PPP2R5E: variants seen among roughly 807,000 people sequenced by gnomAD.
PPP2R5E encodes the protein serine/threonine-protein phosphatase 2A 56 kDa regulatory subunit epsilon isoform.
PPP2R5E carries 4 observed loss-of-function variants against 65.3 expected under a neutral mutation model. The ratio of observed to expected loss-of-function variants is 0.06; its 90% confidence interval spans 0.03 to 0.14. The LOEUF is 0.14. PPP2R5E is among the 10% of genes least tolerant of loss of function. PPP2R5E has a pLI of 1.00. For synonymous variants in PPP2R5E, 183 were observed against 187.4 expected, an observed-to-expected ratio of 0.98 and a Z score of 0.19; for missense variants, 274 against 556.1, an observed-to-expected ratio of 0.49 and a Z score of 5.10.
rs547541160 is a variant in PPP2R5E at position 63,493,516 on chromosome 14, G to A, written c.158-39631C>T. 7.3e-5 allele frequency among the ~76,000 whole-genome samples: 11 copies of A among 151,722 alleles called. No homozygotes were observed. The South Asian group carries it at 2.1e-3, about 29-fold the overall frequency. ...TGTGCGTGTGTGTGGTGGGGGGAGG[G>A]GGAGGGGAGCAAAAGAACCCCTAGG... is the stretch of plus-strand genomic sequence containing the variant. On this transcript the variant is annotated intron_variant, in intron 2 of 13. Coordinates refer to ENST00000337537, the MANE Select transcript of PPP2R5E (RefSeq NM_006246.5).
intron 2 of PPP2R5E, among the ~76,000 whole-genome samples, chr14:63,500,579 A>C (rs546289854): frequency 4.6e-5 from 7 of 152,358 alleles, no homozygotes; most frequent in Non-Finnish European, 8.8e-5. Context: ...AATTAGAAAT[A>C]TGACAGATCC....
intron 5 of PPP2R5E, among the ~76,000 whole-genome samples, chr14:63,402,912 T>C (rs1271340561): frequency 6.6e-6 from 1 of 151,792 alleles, no homozygotes; most frequent in Non-Finnish European, 1.5e-5. Flanking sequence ...TTCTGCACAA[T>C]AAATGAACAA....
chr14:63,523,158 C>T (rs1259784525), intron 2 of PPP2R5E, among the ~76,000 whole-genome samples: 2 of 150,672 alleles, frequency 1.3e-5, no homozygotes, highest in African/African-American at 4.9e-5. Flanking sequence ...GCCGCCCCTA[C>T]TGGGAGGTGA....
intron 6 of PPP2R5E, among the ~76,000 whole-genome samples, chr14:63,395,567 G>C (rs1885301138): frequency 3.0e-5 from 1 of 33,730 alleles, no homozygotes; most frequent in Non-Finnish European, 6.2e-5. Context: ...AGGGAAGAGA[G>C]GAGGAGAGGA....
At chr14:63,425,249 C>T (rs997001701) in intron 3 of PPP2R5E, among the ~76,000 whole-genome samples, 2 of 152,170 alleles carry the variant, frequency 1.3e-5, no homozygotes, top group African/African-American at 4.8e-5. Context: ...TTTGTCCCTT[C>T]CAGTGATTAC....
intron 3 of PPP2R5E, chr14:63,453,392 T>C (rs2139477696): frequency 4.8e-6 from 1 of 208,866 alleles, no homozygotes; most frequent in South Asian, 1.6e-4. Context: ...TTTGTTATTT[T>C]CCTGTGTCTT....
intron 3 of PPP2R5E, among the ~76,000 whole-genome samples, chr14:63,430,695 G>C (rs553439948): frequency 6.6e-6 from 1 of 152,130 alleles, no homozygotes; most frequent in African/African-American, 2.4e-5. Context: ...AATCAGAGCA[G>C]ACAAATATCT....
At chr14:63,440,782 AC>A (rs1221310023) in intron 3 of PPP2R5E, among the ~76,000 whole-genome samples, 1 of 135,472 alleles carries the variant, frequency 7.4e-6, no homozygotes, top group Admixed American at 7.0e-5. Context: ...ACTAAAAAAT[AC>A]AAAAAAAAAA....
intron 8 of PPP2R5E, among the ~76,000 whole-genome samples, chr14:63,393,376 C>T (rs1885134671): frequency 6.6e-6 from 1 of 152,074 alleles, no homozygotes; most frequent in Non-Finnish European, 1.5e-5. Flanking sequence ...TTATTTCCCT[C>T]GGGGAGTATT....
chr14:63,378,506 A>G (rs1884119543), intron 13 of PPP2R5E, among the ~76,000 whole-genome samples: 1 of 152,216 alleles, frequency 6.6e-6, no homozygotes. Flanking sequence ...TTTTGATCAA[A>G]TATGGCACTC....
chr14:63,386,681 G>C (rs1884688564), intron 11 of PPP2R5E, among the ~76,000 whole-genome samples: 1 of 152,138 alleles, frequency 6.6e-6, no homozygotes, highest in Non-Finnish European at 1.5e-5. Context: ...TCAGCACTTT[G>C]GGAGGCCAAG....
intron 3 of PPP2R5E, 36 bp from the exon 4 acceptor site, chr14:63,422,130 A>T (rs765973355): frequency 6.5e-7 from 1 of 1,536,082 alleles, no homozygotes; most frequent in African/African-American, 1.4e-5. Flanking sequence ...AACGGGAAGC[A>T]CCTTCTGCAC....
chr14:63,540,346 G>A (rs568613473), intron 1 of PPP2R5E, among the ~76,000 whole-genome samples: 4 of 149,150 alleles, frequency 2.7e-5, no homozygotes, highest in East Asian at 2.0e-4. Context: ...AGGGAGAACC[G>A]CTTGAACCTG....
At chr14:63,532,201 A>T (rs1407862294) in intron 2 of PPP2R5E, among the ~76,000 whole-genome samples, 5 of 152,178 alleles carry the variant, frequency 3.3e-5, no homozygotes, top group East Asian at 1.9e-4. Context: ...ACTATACAAG[A>T]GTATAATGAC....
intron 2 of PPP2R5E, among the ~76,000 whole-genome samples, chr14:63,535,312 C>T (rs1893623705): frequency 6.6e-6 from 1 of 151,990 alleles, no homozygotes; most frequent in Admixed American, 6.6e-5. Context: ...ATCCCAGCTA[C>T]TCAGGAGCCT....
At chr14:63,391,332 A>G (rs1296801099) in intron 10 of PPP2R5E, among the ~76,000 whole-genome samples, 1 of 152,230 alleles carries the variant, frequency 6.6e-6, no homozygotes, top group Non-Finnish European at 1.5e-5. Flanking sequence ...CATAACTAGT[A>G]AAACAAGAGT....
chr14:63,421,735 G>A (rs1048942027), intron 4 of PPP2R5E, among the ~76,000 whole-genome samples: 1 of 152,170 alleles, frequency 6.6e-6, no homozygotes, highest in Non-Finnish European at 1.5e-5. Flanking sequence ...TCATAAAGAA[G>A]CTCTAATAGA....
chr14:63,435,661 T>C (rs73272599), intron 3 of PPP2R5E, among the ~76,000 whole-genome samples: 17,390 of 152,220 alleles, frequency 0.11, 1,734 homozygotes, highest in African/African-American at 0.27. Context: ...CCCTCTCTAA[T>C]CTAAACTCAT....
At chr14:63,421,911 A>G in intron 4 of PPP2R5E, 82 bp downstream of exon 4, 1 of 1,053,384 alleles carries the variant, frequency 9.5e-7, no homozygotes, top group South Asian at 1.4e-5. Flanking sequence ...CTTGGTGAAT[A>G]AAGCCCTTCA....
Sources: allele counts gnomAD v4.1 joint callset (sites outside exome capture counted in the v4.1 genomes callset), GRCh38; gene constraint gnomAD v4.1.1; transcripts MANE v1.5; gene names NCBI Gene and HGNC (gene_info 2026-07-23, HGNC 2026-07-21).